The following PLXDC2 variants were observed in gnomAD, a reference collection of about 807,000 sequenced individuals.
PLXDC2 encodes plexin domain containing 2, also known as plexin domain-containing protein 2.
PLXDC2 carries 40 observed loss-of-function variants against 68.9 expected under a neutral mutation model. The ratio of observed to expected loss-of-function variants is 0.58; its 90% CI spans 0.45 to 0.76. PLXDC2 has a LOEUF of 0.76. Ranked by LOEUF, PLXDC2 falls within the 30% of genes least tolerant of loss-of-function variation. The pLI, the probability that PLXDC2 is intolerant of heterozygous loss-of-function variation, is 0.00. For synonymous variants in PLXDC2, 243 were observed against 234.2 expected, an observed-to-expected ratio of 1.04 and a Z score of -0.34; for missense variants, 644 against 661.9, an observed-to-expected ratio of 0.97 and a Z score of 0.30.
intron 3 of PLXDC2, among the ~76,000 whole-genome samples, chr10:20,048,656 G>T (rs1477983893): frequency 1.3e-5 from 2 of 152,208 alleles, no homozygotes; most frequent in South Asian, 2.1e-4. Flanking sequence ...GCCACTATGG[G>T]TGACATCTAT....
At chr10:20,228,591 G>C (rs1251537682) in intron 12 of PLXDC2, among the ~76,000 whole-genome samples, 1 of 132,168 alleles carries the variant, frequency 7.6e-6, no homozygotes, top group Admixed American at 7.4e-5. Flanking sequence ...AGGCAGGAAG[G>C]CAGGAAGGAA....
At chr10:20,165,196 G>A (rs903506643) in intron 7 of PLXDC2, among the ~76,000 whole-genome samples, 1 of 152,048 alleles carries the variant, frequency 6.6e-6, no homozygotes, top group Non-Finnish European at 1.5e-5. Flanking sequence ...CAGATTATTG[G>A]ATTGATAGGC....
intron 4 of PLXDC2, among the ~76,000 whole-genome samples, chr10:20,117,519 G>T (rs762768777): frequency 6.6e-6 from 1 of 152,076 alleles, no homozygotes; most frequent in Admixed American, 6.6e-5. Context: ...CTCTTGATTC[G>T]CCAGGTCTAA....
intron 3 of PLXDC2, among the ~76,000 whole-genome samples, chr10:20,057,030 G>A (rs1459051210): frequency 1.3e-5 from 2 of 152,104 alleles, no homozygotes; most frequent in African/African-American, 4.8e-5. Context: ...TATTTACTCT[G>A]CCTTTCAGCT....
At chr10:20,052,513 C>T (rs1316108265) in intron 3 of PLXDC2, among the ~76,000 whole-genome samples, 2 of 151,788 alleles carry the variant, frequency 1.3e-5, no homozygotes, top group African/African-American at 2.4e-5. Context: ...TGGTTAAGCA[C>T]GTAGGAAAAT....
At chr10:20,090,299 T>A (rs1033456933) in intron 4 of PLXDC2, among the ~76,000 whole-genome samples, 1 of 152,166 alleles carries the variant, frequency 6.6e-6, no homozygotes, top group African/African-American at 2.4e-5. Flanking sequence ...AGCAACTCTT[T>A]CTCACAGAAT....
chr10:20,068,549 G>C (rs1338739673), intron 4 of PLXDC2, among the ~76,000 whole-genome samples: 2 of 150,148 alleles, frequency 1.3e-5, no homozygotes, highest in Non-Finnish European at 3.0e-5. Context: ...AGAAGGAAAG[G>C]CTGCTTAATG....
chr10:20,040,788 A>G (rs925861871), intron 2 of PLXDC2, among the ~76,000 whole-genome samples: 1 of 152,198 alleles, frequency 6.6e-6, no homozygotes, highest in Non-Finnish European at 1.5e-5. Flanking sequence ...AGTTGACAAT[A>G]CTATGTTTGA....
chr10:20,024,288 A>G (rs1160656267), intron 2 of PLXDC2, among the ~76,000 whole-genome samples: 1 of 152,232 alleles, frequency 6.6e-6, no homozygotes. Flanking sequence ...GATGTCCTTC[A>G]TATTGGACTA....
chr10:20,040,212 T>C (rs74584796), intron 2 of PLXDC2, among the ~76,000 whole-genome samples: 2,695 of 152,198 alleles, frequency 0.018, 77 homozygotes, highest in African/African-American at 0.061. Flanking sequence ...CTGGATTCCC[T>C]CTCCCACTTT....
intron 1 of PLXDC2, among the ~76,000 whole-genome samples, chr10:19,975,556 C>T (rs1238309471): frequency 1.3e-5 from 2 of 152,022 alleles, no homozygotes; most frequent in Admixed American, 6.6e-5. Flanking sequence ...ACACACCATC[C>T]CCCCAACTTT....
chr10:19,939,131 T>C (rs967815462), intron 1 of PLXDC2, among the ~76,000 whole-genome samples: 1 of 152,194 alleles, frequency 6.6e-6, no homozygotes, highest in African/African-American at 2.4e-5. Flanking sequence ...GAAATAAAGA[T>C]AAATAAGGGA....
intron 1 of PLXDC2, among the ~76,000 whole-genome samples, chr10:19,906,200 G>A (rs941838209): frequency 2.5e-4 from 38 of 152,198 alleles, no homozygotes; most frequent in African/African-American, 8.9e-4. Context: ...GTGCACATGC[G>A]TGTGTGTTGT....
At chr10:20,154,519 A>G (rs1028556201) in intron 6 of PLXDC2, among the ~76,000 whole-genome samples, 5 of 151,228 alleles carry the variant, frequency 3.3e-5, no homozygotes, top group African/African-American at 1.2e-4. Flanking sequence ...AGCAGAGATC[A>G]TGCCACTGCC....
intron 2 of PLXDC2, among the ~76,000 whole-genome samples, chr10:20,037,197 A>G (rs972365901): frequency 6.6e-6 from 1 of 152,186 alleles, no homozygotes. Flanking sequence ...ACATTATTGT[A>G]ATGTTAATTT....
intron 6 of PLXDC2, among the ~76,000 whole-genome samples, chr10:20,150,697 C>T (rs1036055091): frequency 6.6e-6 from 1 of 152,166 alleles, no homozygotes; most frequent in Non-Finnish European, 1.5e-5. Context: ...GGTCTCACCA[C>T]CTGGAGGCTT....
intron 4 of PLXDC2, among the ~76,000 whole-genome samples, chr10:20,118,959 C>T (rs1378699688): frequency 6.7e-6 from 1 of 148,852 alleles, no homozygotes; most frequent in Middle Eastern, 3.2e-3. Context: ...ATTTCTGACA[C>T]TGTATACCTT....
Position 20,245,325 on chromosome 10 carries a change from C to T in PLXDC2, c.1313-20C>T, listed in dbSNP as rs763946423. On this transcript the variant is annotated intron_variant, in intron 12 of 13. Coordinates refer to ENST00000377252, the MANE Select transcript of PLXDC2 (RefSeq NM_032812.9). The stretch of plus-strand genomic sequence containing the variant: ...GAGGGTAAACTCATGAAGGTCCTGA[C>T]AGCTGGGATGTTCTTTCAGCTTCTA... The T allele has an allele frequency of 6.2e-7, 1 of 1,600,176 alleles. No homozygotes were observed. Among genetic ancestry groups the T allele is most frequent in the Non-Finnish European group, 8.5e-7 (1 of 1,174,242 alleles).
At chr10:19,901,345 T>G (rs1302174117) in intron 1 of PLXDC2, among the ~76,000 whole-genome samples, 1 of 152,150 alleles carries the variant, frequency 6.6e-6, no homozygotes, top group African/African-American at 2.4e-5. Context: ...TCTTTTATTT[T>G]TTGGTTTTTT....
Sources: allele counts gnomAD v4.1 joint callset (sites outside exome capture counted in the v4.1 genomes callset), GRCh38; gene constraint gnomAD v4.1.1; transcripts MANE v1.5; gene names NCBI Gene and HGNC (gene_info 2026-07-23, HGNC 2026-07-21).